The following MAP2K5 variants were observed in gnomAD, a reference collection of about 807,000 sequenced individuals.
MAP2K5 encodes dual specificity mitogen-activated protein kinase kinase 5.
Under a neutral mutation model 83.1 loss-of-function variants are expected in MAP2K5, and 49 were observed. The observed-to-expected ratio is 0.59, with a 90% confidence interval of 0.47 to 0.75. The LOEUF (loss-of-function observed/expected upper bound fraction) is 0.75. MAP2K5 is among the 30% of genes least tolerant of loss of function. MAP2K5 has a pLI of 0.00. For synonymous variants in MAP2K5, 202 were observed against 191.8 expected (o/e 1.05, Z -0.44); for missense variants, 457 against 557.5 (o/e 0.82, Z 1.82).
In MAP2K5 at chr15:67,702,925, T is replaced by G. The variant is rs1405591281; in HGVS notation, c.973-412T>G. On this transcript the variant is annotated intron_variant, in intron 15 of 21. Transcript: ENST00000178640. This position sits in a 1 kb window ranked among gnomAD's most constrained non-coding sequence, Gnocchi z 4.6. ...CCAGACCAATCTATCAAAATGCAAA[T>G]AAGTGATAATATCATATAATGTTGT... Among the ~76,000 whole-genome samples, 2 of 152,172 alleles carry G rather than the reference T, an allele frequency of 1.3e-5. No individual in the cohort carries two copies. Among genetic ancestry groups the G allele is most frequent in the Non-Finnish European group, 2.9e-5 (2 of 68,022 alleles).
chr15:67,617,520 AAT>A (rs757277592), intron 8 of MAP2K5, among the ~76,000 whole-genome samples: 1 of 152,188 alleles, frequency 6.6e-6, no homozygotes, highest in Non-Finnish European at 1.5e-5. Context: ...TAGAATTTGA[AAT>A]TCTAGGCATA....
At position 67,624,008 on chromosome 15, in the gene MAP2K5, G is replaced by A. The variant is rs2086250087; in HGVS notation, c.546-6880G>A. 2.0e-5 allele frequency among the ~76,000 whole-genome samples: 3 copies of A among 151,838 alleles called. No individual in the cohort carries two copies. The South Asian group carries it at 6.3e-4, about 32-fold the overall frequency. ...CCAGACTAGAGATAACTGAGACTTG[G>A]TGGGGCTTACTGACAGTCAGGTTCA... On this transcript the variant is annotated intron_variant, in intron 8 of 21. Coordinates refer to ENST00000178640, the MANE Select transcript of MAP2K5 (RefSeq NM_145160.3).
At chr15:67,703,772 T>C (rs1035726274) in intron 16 of MAP2K5, among the ~76,000 whole-genome samples, 8 of 152,212 alleles carry the variant, frequency 5.3e-5, no homozygotes, top group East Asian at 1.9e-4. Context: ...TGATGTAAAA[T>C]AGGGACTCCA....
chr15:67,545,673 A>T (rs988726816), intron 1 of MAP2K5, among the ~76,000 whole-genome samples: 1 of 152,152 alleles, frequency 6.6e-6, no homozygotes, highest in South Asian at 2.1e-4. Flanking sequence ...AAGACCACAA[A>T]CTCTGGAGCC....
In MAP2K5 at chr15:67,732,435, G is replaced by A. The variant is rs1221057388; in HGVS notation, c.1074+4490G>A. Among the ~76,000 whole-genome samples the A allele has an allele frequency of 2.8e-4, 42 of 152,198 alleles. 1 individual carries two copies. Among genetic ancestry groups the A allele is most frequent in the Non-Finnish European group, 7.3e-5 (5 of 68,036 alleles). On this transcript the variant is annotated intron_variant, in intron 17 of 21. Transcript: ENST00000178640. The stretch of plus-strand genomic sequence containing the variant: ...TTGGCAAGCAAGATGCCACAGGAAA[G>A]TGAAGATAATACAGACACAAATGTA...
At chr15:67,643,161 G>C (rs1389366017) in intron 9 of MAP2K5, among the ~76,000 whole-genome samples, 1 of 152,042 alleles carries the variant, frequency 6.6e-6, no homozygotes, top group African/African-American at 2.4e-5. Flanking sequence ...GAGAACCATT[G>C]ATTTAAGGTT....
chr15:67,675,622 T>C (rs1375967580), intron 13 of MAP2K5, among the ~76,000 whole-genome samples: 1 of 152,230 alleles, frequency 6.6e-6, no homozygotes, highest in Non-Finnish European at 1.5e-5. Flanking sequence ...TCTGTATTAT[T>C]TCTTACCATT....
chr15:67,549,929 C>A (rs992135288), intron 1 of MAP2K5, 105 bp from the exon 2 acceptor site: 3 of 807,826 alleles, frequency 3.7e-6, no homozygotes, highest in African/African-American at 1.7e-5. Context: ...TTTATGCTAA[C>A]GTTTCAAAAA....
chr15:67,547,818 A>G (rs2084427745), intron 1 of MAP2K5, among the ~76,000 whole-genome samples: 1 of 152,234 alleles, frequency 6.6e-6, no homozygotes, highest in Non-Finnish European at 1.5e-5. Flanking sequence ...CAAGAGCAGA[A>G]GAAGGCCGCT....
Position 67,644,588 on chromosome 15 carries a change from T to C in MAP2K5, c.586-1643T>C, listed in dbSNP as rs914442209. Among the ~76,000 whole-genome samples, 9 of 152,026 alleles carry C rather than the reference T, an allele frequency of 5.9e-5. No individual in the cohort carries two copies. Among genetic ancestry groups the C allele is most frequent in the African/African-American group, 1.9e-4 (8 of 41,390 alleles). ...CACTGTGGGTAATATCACTCAGTGA[T>C]TGATATTTTAAATAAACCATAAAGT... On this transcript the variant is annotated intron_variant, in intron 9 of 21. Transcript: ENST00000178640. This position sits in a 1 kb window ranked among gnomAD's most constrained non-coding sequence, Gnocchi z 4.6.
Position 67,624,149 on chromosome 15 carries a change from C to G in MAP2K5, c.546-6739C>G, listed in dbSNP as rs369239317. On this transcript the variant is annotated intron_variant, in intron 8 of 21. Transcript: ENST00000178640. ...GGTCAGGAGATCGAGACCATCCTGG[C>G]TAACACAGTGAAACCCCGTCTCTAC... Among the ~76,000 whole-genome samples, 559 of 151,434 alleles carry G rather than the reference C, an allele frequency of 3.7e-3. 3 individuals are homozygous for G. Among genetic ancestry groups the G allele is most frequent in the Non-Finnish European group, 6.2e-3 (423 of 67,852 alleles).
rs2089928738 is a variant in MAP2K5, at chr15:67,760,512, C to T, written c.1135-9090C>T. Among the ~76,000 whole-genome samples, 1 of 152,272 alleles carries T rather than the reference C, an allele frequency of 6.6e-6. No homozygotes were observed. The highest frequency in any genetic ancestry group is 2.4e-5 in the African/African-American group (1 of 41,556). ...TTCAGCCAATAGACCTTATCCATTTCTTCTTTTTTACTAACCAAAATATTA... is the reference window on the plus strand; with the variant it reads ...TTCAGCCAATAGACCTTATCCATTTTTTCTTTTTTACTAACCAAAATATTA... On this transcript the variant is annotated intron_variant, in intron 19 of 21. Transcript: ENST00000178640. The surrounding 1 kb of genome is among the most constrained non-coding windows in gnomAD (Gnocchi z 4.1).
In MAP2K5 at chr15:67,580,711, T is replaced by A. The variant is rs371222435; in HGVS notation, c.253-43T>A. The stretch of plus-strand genomic sequence containing the variant: ...CAACCCATAAGTGTCTGTTCCAGTA[T>A]TCATACATTACTGAGTGATCTCTTT... On this transcript the variant is annotated intron_variant, in intron 3 of 21. Coordinates refer to ENST00000178640, the MANE Select transcript of MAP2K5 (RefSeq NM_145160.3). The A allele has an allele frequency of 1.6e-5, 19 of 1,203,786 alleles. No individual in the cohort carries two copies. The African/African-American group carries it at 2.5e-4, about 16-fold the overall frequency. 74.6% of individuals were successfully genotyped at this position (1,203,786 alleles called of 1,614,324 possible). A position where few individuals can be genotyped will look rare whatever the true frequency, so the allele number is the denominator to read the frequency against.
intron 16 of MAP2K5, among the ~76,000 whole-genome samples, chr15:67,712,646 C>CA (rs1403025347): frequency 6.6e-6 from 1 of 152,122 alleles, no homozygotes; most frequent in Non-Finnish European, 1.5e-5. Flanking sequence ...CGGCCAGGTG[C>CA]AGTGGCTCAA....
intron 13 of MAP2K5, among the ~76,000 whole-genome samples, chr15:67,667,869 A>T (rs1211619096): frequency 2.0e-5 from 3 of 152,170 alleles, no homozygotes; most frequent in Non-Finnish European, 4.4e-5. Context: ...CTTCCAAACA[A>T]ACTCTTGAAA....
Position 67,768,521 on chromosome 15 carries a change from T to A in MAP2K5, c.1135-1081T>A, listed in dbSNP as rs984823589. 3.3e-5 allele frequency among the ~76,000 whole-genome samples: 5 copies of A among 152,204 alleles called. No individual in the cohort carries two copies. The highest frequency in any genetic ancestry group is 2.6e-4 in the Admixed American group (4 of 15,272). ...TGTAATGATATATTGCTCATCCAAA[T>A]GGCCAAAGCACTCCAAAGCACAGTG... is the stretch of plus-strand genomic sequence containing the variant. On this transcript the variant is annotated intron_variant, in intron 19 of 21. Coordinates refer to ENST00000178640, the MANE Select transcript of MAP2K5 (RefSeq NM_145160.3). This position sits in a 1 kb window ranked among gnomAD's most constrained non-coding sequence, Gnocchi z 4.0.
intron 16 of MAP2K5, among the ~76,000 whole-genome samples, chr15:67,711,015 T>A (rs1596835672): frequency 6.6e-6 from 1 of 152,122 alleles, no homozygotes; most frequent in South Asian, 2.1e-4. Context: ...AGGTAATATC[T>A]TCTTCTTCTG....
At position 67,592,744 on chromosome 15, in the gene MAP2K5, CTT is replaced by C. The variant is rs2085440814; in HGVS notation, c.432-180_432-179del. Among the ~76,000 whole-genome samples the C allele has an allele frequency of 2.6e-5, 4 of 152,202 alleles. No homozygotes were observed. The South Asian group carries it at 8.3e-4, about 32-fold the overall frequency. On this transcript the variant is annotated intron_variant, in intron 6 of 21. Transcript: ENST00000178640. ...TTGATTACTAACAGGGTTTTAGTCT[CTT>C]TATTTGATACCTTTTGCATTTGGCC...
chr15:67,774,935 G>T lies in MAP2K5; in HGVS notation c.1242+2183G>T, dbSNP rs1294506023. Among the ~76,000 whole-genome samples, 2 of 152,220 alleles carry T rather than the reference G, an allele frequency of 1.3e-5. No individual in the cohort carries two copies. The highest frequency in any genetic ancestry group is 6.5e-5 in the Admixed American group (1 of 15,286). ...AAAGAAAGAAAATTAGAGATGGGCA[G>T]CTGGAAATACTGGAAGTTATAGATT... is the stretch of plus-strand genomic sequence containing the variant. On this transcript the variant is annotated intron_variant, in intron 21 of 21. Transcript: ENST00000178640. This position sits in a 1 kb window ranked among gnomAD's most constrained non-coding sequence, Gnocchi z 4.9.
Sources: gnomAD v4.1 joint callset for allele counts (sites outside exome capture counted in the v4.1 genomes callset) on GRCh38, gnomAD v4.1.1 for gene constraint, Gnocchi (gnomAD v3.1) non-coding constraint, MANE v1.5 for transcripts, NCBI Gene and HGNC (gene_info 2026-07-23, HGNC 2026-07-21) for gene names.